Variants in CTXN2 observed in about 807,000 individuals in gnomAD.
CTXN2 encodes cortexin-2.
A neutral mutation model predicts 5.7 loss-of-function variants in CTXN2; 3 were observed. The ratio of observed to expected loss-of-function variants is 0.53; its 90% CI spans 0.24 to 1.36. CTXN2 has a LOEUF of 1.36. CTXN2 is among the 40% of genes most tolerant of loss of function. CTXN2 has a pLI of 0.17. For synonymous variants in CTXN2, 38 were observed against 36.4 expected, an observed-to-expected ratio of 1.04 and a Z score of -0.16; for missense variants, 87 against 93.0, an observed-to-expected ratio of 0.94 and a Z score of 0.26.
At chr15:48,187,359 A>G (rs78005553), upstream of CTXN2, among the ~76,000 whole-genome samples, 4,136 of 152,308 alleles carry the variant, frequency 0.027, 200 homozygotes, top group African/African-American at 0.095. Flanking sequence ...AAACTAATTT[A>G]TGTTTGTCTT....
At chr15:48,192,786 T>C (rs1287482831) in intron 1 of CTXN2, among the ~76,000 whole-genome samples, 1 of 152,178 alleles carries the variant, frequency 6.6e-6, no homozygotes, top group Admixed American at 6.5e-5. Context: ...ACTAGAGAAA[T>C]AAACAAGAGG....
intron 1 of CTXN2, among the ~76,000 whole-genome samples, chr15:48,184,148 TACTG>T (rs945391826): frequency 6.6e-6 from 1 of 152,224 alleles, no homozygotes; most frequent in African/African-American, 2.4e-5. Context: ...ATTTATTTTA[TACTG>T]ACTTTTAGGT....
chr15:48,179,619 G>T (rs1259896580), intron 1 of CTXN2, among the ~76,000 whole-genome samples: 1 of 151,942 alleles, frequency 6.6e-6, no homozygotes, highest in Non-Finnish European at 1.5e-5. Flanking sequence ...TAACTCCCTG[G>T]GCAAGTCACC....
chr15:48,187,894 A>AAT, upstream of CTXN2, among the ~76,000 whole-genome samples: 1 of 152,148 alleles, frequency 6.6e-6, no homozygotes, highest in East Asian at 1.9e-4. Context: ...AGTGGTTTGA[A>AAT]ATTAAGCTGA....
intron 1 of CTXN2, among the ~76,000 whole-genome samples, chr15:48,186,553 A>C (rs192466220): frequency 1.1e-3 from 161 of 152,290 alleles, no homozygotes; most frequent in Non-Finnish European, 2.0e-3. Flanking sequence ...AAAATGACCT[A>C]AAGGAAGATC....
intron 1 of CTXN2, among the ~76,000 whole-genome samples, chr15:48,192,837 T>C (rs768311000): frequency 3.3e-5 from 5 of 152,196 alleles, no homozygotes; most frequent in Admixed American, 6.5e-5. Flanking sequence ...AGGTTCTTTC[T>C]TTAATGGGTA....
chr15:48,185,780 G>A (rs749494308), intron 1 of CTXN2, among the ~76,000 whole-genome samples: 5 of 152,250 alleles, frequency 3.3e-5, no homozygotes, highest in Non-Finnish European at 5.9e-5. Context: ...ATTAAGCCAA[G>A]AGGAAAAAGG....
chr15:48,190,509 A>C (rs1448047416), upstream of CTXN2, among the ~76,000 whole-genome samples: 2 of 152,134 alleles, frequency 1.3e-5, no homozygotes, highest in Non-Finnish European at 2.9e-5. Flanking sequence ...TTTTTGTAAG[A>C]CCATTACATT....
chr15:48,182,109 TTCTC>T (rs140677674), intron 1 of CTXN2, among the ~76,000 whole-genome samples: 3 of 151,718 alleles, frequency 2.0e-5, no homozygotes, highest in South Asian at 2.1e-4. Flanking sequence ...TTTTCCTCCT[TTCTC>T]TCTCTCTCTC....
chr15:48,201,522 G>T lies in CTXN2; in HGVS notation c.222G>T (p.Gly74=), dbSNP rs1420576639. Residue 74 remains glycine (G), a synonymous_variant, in exon 2 of 2, where the codon GGG becomes GGT. Transcript: ENST00000417307. ...WEDEVEEFDK[G]TFEYALA is the part of the protein sequence containing the mutation. Reference sequence around the variant, plus strand: ...ATGAAGTTGAAGAGTTTGATAAAGGGACATTTGAATATGCACTCGCGTGAG... The same window carrying T: ...ATGAAGTTGAAGAGTTTGATAAAGGTACATTTGAATATGCACTCGCGTGAG... 6.4e-7 allele frequency: 1 copy of T among 1,551,136 alleles called. No individual in the cohort carries two copies.
chr15:48,185,663 A>ATT (rs2040744772), intron 1 of CTXN2, among the ~76,000 whole-genome samples: 1 of 152,234 alleles, frequency 6.6e-6, no homozygotes, highest in African/African-American at 2.4e-5. Context: ...TTAGGAAAGA[A>ATT]TGATGGAATA....
chr15:48,195,499 T>A (rs1189560395), intron 1 of CTXN2, among the ~76,000 whole-genome samples: 1 of 152,126 alleles, frequency 6.6e-6, no homozygotes, highest in Admixed American at 6.6e-5. Flanking sequence ...CCAACCTACC[T>A]TTCCAACGCT....
chr15:48,184,829 A>C (rs2040732598), intron 1 of CTXN2, among the ~76,000 whole-genome samples: 1 of 152,186 alleles, frequency 6.6e-6, no homozygotes, highest in South Asian at 2.1e-4. Flanking sequence ...TTATGTCCAC[A>C]CAAAAGCCTG....
rs1476005131 is a variant in CTXN2, at chr15:48,203,192, C to G, written c.*1646C>G. 1 of 167,042 alleles carries G rather than the reference C, an allele frequency of 6.0e-6. No homozygotes were observed. Among genetic ancestry groups the G allele is most frequent in the African/African-American group, 2.4e-5 (1 of 41,442 alleles). 10.3% of individuals were successfully genotyped at this position (167,042 alleles called of 1,614,324 possible). Reference sequence around the variant, plus strand: ...TTCTGCTGTATCCCTAGACACTGTCCTCAACACTTCTACATAGCTTATAGG... The same window carrying G: ...TTCTGCTGTATCCCTAGACACTGTCGTCAACACTTCTACATAGCTTATAGG... On this transcript the variant is annotated 3_prime_UTR_variant, in exon 2 of 2. Coordinates refer to ENST00000417307, the MANE Select transcript of CTXN2 (RefSeq NM_001145668.2).
chr15:48,189,069 A>T (rs948405521), upstream of CTXN2: 3 of 152,210 alleles, frequency 2.0e-5, no homozygotes, highest in Admixed American at 6.5e-5. Context: ...GCTTTCCTGA[A>T]TAAGCCATTT....
At chr15:48,188,069 A>G (rs532846293), upstream of CTXN2, among the ~76,000 whole-genome samples, 18 of 152,208 alleles carry the variant, frequency 1.2e-4, 1 homozygote, top group South Asian at 8.3e-4. Context: ...CACTCACCCA[A>G]TAATCAAAAA....
At chr15:48,180,823 T>TTTAG (rs951310213) in intron 1 of CTXN2, among the ~76,000 whole-genome samples, 2 of 152,232 alleles carry the variant, frequency 1.3e-5, no homozygotes, top group African/African-American at 4.8e-5. Context: ...GTTTTTTGTT[T>TTTAG]TTTGTTTGTT....
chr15:48,178,903 A>AACTGC (rs2040655573), intron 1 of CTXN2, among the ~76,000 whole-genome samples: 1 of 151,988 alleles, frequency 6.6e-6, no homozygotes, highest in Non-Finnish European at 1.5e-5. Context: ...TCAGCTTAGT[A>AACTGC]AGAGAAGACT....
chr15:48,185,928 C>A (rs772627302), intron 1 of CTXN2, among the ~76,000 whole-genome samples: 1 of 152,160 alleles, frequency 6.6e-6, no homozygotes, highest in Non-Finnish European at 1.5e-5. Context: ...ATGTATAAAA[C>A]AATTGATTTC....
Sources: allele counts gnomAD v4.1 joint callset (sites outside exome capture counted in the v4.1 genomes callset), GRCh38; gene constraint gnomAD v4.1.1; transcripts MANE v1.5; gene names NCBI Gene and HGNC (gene_info 2026-07-23, HGNC 2026-07-21).